STPG2: variants seen among roughly 807,000 people sequenced by gnomAD.
The protein encoded by STPG2 is sperm-tail PG-rich repeat-containing protein 2.
A neutral mutation model predicts 54.2 loss-of-function variants in STPG2; 56 were observed. The ratio of observed to expected loss-of-function variants is 1.03; its 90% CI spans 0.83 to 1.29. The LOEUF is 1.29. STPG2 is among the 50% of genes most tolerant of loss of function. STPG2 has a pLI of 0.00. For missense variants in STPG2, 596 were observed against 544.9 expected (o/e 1.09, Z -0.93); for synonymous variants, 200 against 181.8 (o/e 1.10, Z -0.81).
intron 5 of STPG2, among the ~76,000 whole-genome samples, chr4:98,022,349 A>ACT: frequency 6.6e-6 from 1 of 151,742 alleles, no homozygotes; most frequent in South Asian, 2.1e-4. Flanking sequence ...ATTGGCCCCC[A>ACT]CTCTCTTCTG....
intron 9 of STPG2, among the ~76,000 whole-genome samples, chr4:97,743,326 G>A (rs1348057862): frequency 6.6e-6 from 1 of 151,666 alleles, no homozygotes; most frequent in East Asian, 1.9e-4. Context: ...TAAGCAAAGG[G>A]ATGATATATT....
chr4:98,014,423 C>T (rs2149285099), intron 5 of STPG2, among the ~76,000 whole-genome samples: 1 of 152,174 alleles, frequency 6.6e-6, no homozygotes, highest in East Asian at 1.9e-4. Context: ...ATGCCAGCTG[C>T]CTAGTCAGTC....
chr4:98,124,831 T>C (rs1739784675), intron 3 of STPG2, among the ~76,000 whole-genome samples: 1 of 152,198 alleles, frequency 6.6e-6, no homozygotes, highest in Non-Finnish European at 1.5e-5. Flanking sequence ...ATAGGTTCAG[T>C]CTTTTTACAT....
chr4:97,980,021 C>T lies in STPG2; in HGVS notation c.772+1138G>A, dbSNP rs147889613. Among the ~76,000 whole-genome samples, 204 of 152,084 alleles carry T rather than the reference C, an allele frequency of 1.3e-3. 4 individuals are homozygous for T. The East Asian group carries it at 0.034, about 25-fold the overall frequency. On this transcript the variant is annotated intron_variant, in intron 6 of 10. Coordinates refer to ENST00000295268, the MANE Select transcript of STPG2 (RefSeq NM_174952.3). ...TAAAGGTGTGAGCCACCGTGCCAGG[C>T]GAAAATTTTTTTAAAATAGCCAGGC...
intron 8 of STPG2, among the ~76,000 whole-genome samples, chr4:97,929,827 T>C (rs1282878946): frequency 1.3e-5 from 2 of 152,194 alleles, no homozygotes; most frequent in South Asian, 2.1e-4. Context: ...CTGTAGGCTG[T>C]CTGCTCACTC....
At chr4:97,598,364 C>A (rs971777493) in intron 10 of STPG2, among the ~76,000 whole-genome samples, 1 of 145,856 alleles carries the variant, frequency 6.9e-6, no homozygotes, top group Non-Finnish European at 1.5e-5. Context: ...ACATTCTTCA[C>A]GGAATTAGAA....
chr4:97,972,493 C>T, intron 6 of STPG2, 53 bp from the exon 7 acceptor site: 1 of 1,052,808 alleles, frequency 9.5e-7, no homozygotes, highest in Non-Finnish European at 1.3e-6. Context: ...TTATATGCAC[C>T]TTTTGAACTG....
intron 9 of STPG2, among the ~76,000 whole-genome samples, chr4:97,765,199 T>G (rs1374411699): frequency 6.6e-6 from 1 of 152,160 alleles, no homozygotes; most frequent in Admixed American, 6.5e-5. Context: ...TAATGCAGAA[T>G]GTAGAACAAA....
chr4:97,637,932 A>G (rs1346363190), intron 10 of STPG2, among the ~76,000 whole-genome samples: 3 of 152,044 alleles, frequency 2.0e-5, no homozygotes, highest in East Asian at 1.9e-4. Flanking sequence ...GGTAATTTAC[A>G]GATTCAATGC....
intron 4 of STPG2, among the ~76,000 whole-genome samples, chr4:97,511,616 T>C (rs1394055028): frequency 2.0e-5 from 3 of 152,074 alleles, no homozygotes; most frequent in African/African-American, 7.2e-5. Flanking sequence ...TTAACCAACT[T>C]TATTTAATTG....
At chr4:97,905,692 T>C (rs1366887848) in intron 8 of STPG2, among the ~76,000 whole-genome samples, 1 of 152,110 alleles carries the variant, frequency 6.6e-6, no homozygotes, top group Admixed American at 6.5e-5. Context: ...TCCATCAGTG[T>C]GCTGTATTCA....
chr4:98,029,820 G>C (rs1736537617), intron 5 of STPG2, among the ~76,000 whole-genome samples: 1 of 152,158 alleles, frequency 6.6e-6, no homozygotes, highest in Non-Finnish European at 1.5e-5. Flanking sequence ...GTACTATAGA[G>C]CTTTGTCTTC....
At chr4:98,141,139 T>C (rs1740269975) in intron 1 of STPG2, among the ~76,000 whole-genome samples, 3 of 152,192 alleles carry the variant, frequency 2.0e-5, no homozygotes, top group Non-Finnish European at 2.9e-5. Flanking sequence ...ATCAGATGGA[T>C]TTTATTTAAT....
rs945940380 is a variant in STPG2 at position 97,445,457 on chromosome 4, G to T, written c.463-257624C>A. Among the ~76,000 whole-genome samples, 42 of 152,026 alleles carry T rather than the reference G, an allele frequency of 2.8e-4. 1 individual carries two copies. The highest frequency in any genetic ancestry group is 4.4e-5 in the Non-Finnish European group (3 of 67,980). ...ACCACATAAGAAGTAAAAATAAACA[G>T]ACAAAAATAATCTTAATAGTATATT... On this transcript the variant is annotated intron_variant, in intron 4 of 4. Transcript: ENST00000522676.
intron 9 of STPG2, among the ~76,000 whole-genome samples, chr4:97,816,590 T>C (rs966925712): frequency 6.6e-6 from 1 of 152,128 alleles, no homozygotes; most frequent in South Asian, 2.1e-4. Flanking sequence ...GTATTTGAAT[T>C]GGTAGACTGA....
intron 10 of STPG2, among the ~76,000 whole-genome samples, chr4:97,699,075 A>G (rs1036854289): frequency 6.6e-6 from 1 of 152,180 alleles, no homozygotes; most frequent in Admixed American, 6.5e-5. Flanking sequence ...AAGAGGTCCA[A>G]TACAATCAAC....
chr4:97,624,345 G>T (rs190215753), intron 10 of STPG2, among the ~76,000 whole-genome samples: 2 of 151,998 alleles, frequency 1.3e-5, no homozygotes, highest in African/African-American at 4.8e-5. Context: ...ATCTCATTGT[G>T]GTTTTTATTT....
chr4:97,762,743 G>A (rs145952860), intron 9 of STPG2, among the ~76,000 whole-genome samples: 1 of 152,144 alleles, frequency 6.6e-6, no homozygotes, highest in Non-Finnish European at 1.5e-5. Flanking sequence ...AGTCATTCAA[G>A]AATGCTTTGA....
At position 97,558,972 on chromosome 4, in the gene STPG2, A is replaced by G. The variant is rs994465125; in HGVS notation, c.*86T>C. ...TGAAAATTATGCTTTTATTACTCCTATATTTGGAATAAATTTTGTTAAAAT... is the reference window on the plus strand; with the variant it reads ...TGAAAATTATGCTTTTATTACTCCTGTATTTGGAATAAATTTTGTTAAAAT... On this transcript the variant is annotated 3_prime_UTR_variant, in exon 11 of 11. Coordinates refer to ENST00000295268, the MANE Select transcript of STPG2 (RefSeq NM_174952.3). 9.1e-7 allele frequency: 1 copy of G among 1,099,706 alleles called. No homozygotes were observed. Among genetic ancestry groups the G allele is most frequent in the African/African-American group, 1.6e-5 (1 of 63,072 alleles). The allele number at this position is 1,099,706 out of a possible 1,614,324, so 68.1% of individuals were successfully genotyped here.
Sources: gnomAD v4.1 joint callset for allele counts (sites outside exome capture counted in the v4.1 genomes callset) on GRCh38, gnomAD v4.1.1 for gene constraint, MANE v1.5 for transcripts, NCBI Gene and HGNC (gene_info 2026-07-23, HGNC 2026-07-21) for gene names.